The following MAP3K20 variants were observed in gnomAD, a reference collection of about 807,000 sequenced individuals.
MAP3K20 encodes mitogen-activated protein kinase kinase kinase 20, also known as HCCS-4.
Under a neutral mutation model 85.7 loss-of-function variants are expected in MAP3K20, and 40 were observed. That is an observed-to-expected ratio of 0.47 (90% CI 0.36 to 0.61). The LOEUF (loss-of-function observed/expected upper bound fraction) is 0.61, where lower values mean the gene tolerates loss of function less well. MAP3K20 is among the 20% of genes least tolerant of loss of function. MAP3K20 has a pLI of 0.00. For synonymous variants in MAP3K20, 325 were observed against 327.7 expected (o/e 0.99, Z 0.09); for missense variants, 817 against 961.7 (o/e 0.85, Z 1.99).
intron 3 of MAP3K20, among the ~76,000 whole-genome samples, chr2:173,179,268 C>T (rs1294757122): frequency 6.6e-6 from 1 of 151,904 alleles, no homozygotes; most frequent in Non-Finnish European, 1.5e-5. Flanking sequence ...TGGCAGGTGC[C>T]TATAGTCCCA....
At chr2:173,235,587 G>T (rs988512195) in intron 14 of MAP3K20, among the ~76,000 whole-genome samples, 1 of 152,192 alleles carries the variant, frequency 6.6e-6, no homozygotes, top group African/African-American at 2.4e-5. Context: ...GGAGGCAAGG[G>T]TTCTTGACTG....
In MAP3K20 at chr2:173,156,109, C is replaced by G. The variant is rs1689459826; in HGVS notation, c.160-13696C>G. 2.0e-5 allele frequency among the ~76,000 whole-genome samples: 3 copies of G among 152,208 alleles called. No homozygotes were observed. The South Asian group carries it at 6.2e-4, about 31-fold the overall frequency. On this transcript the variant is annotated intron_variant, in intron 2 of 19. Transcript: ENST00000375213. The stretch of plus-strand genomic sequence containing the variant: ...TAACGGTTTGGAACTTCAGGGGTTA[C>G]ACTGGGACCACCACACAACCTCGAG...
chr2:173,088,470 G>C (rs1191763390), intron 1 of MAP3K20, among the ~76,000 whole-genome samples: 2 of 152,104 alleles, frequency 1.3e-5, no homozygotes, highest in Non-Finnish European at 2.9e-5. Context: ...GGAAAATCAA[G>C]AAATAGTAAT....
intron 7 of MAP3K20, among the ~76,000 whole-genome samples, chr2:173,191,545 A>G (rs545444517): frequency 1.3e-4 from 20 of 152,310 alleles, no homozygotes; most frequent in African/African-American, 4.8e-4. Flanking sequence ...ACAGGACTTC[A>G]TTGTAATGGA....
At chr2:173,264,571 C>G (rs532758261) in intron 19 of MAP3K20, among the ~76,000 whole-genome samples, 1 of 152,310 alleles carries the variant, frequency 6.6e-6, no homozygotes, top group South Asian at 2.1e-4. Context: ...GCAACCTGTC[C>G]GTTCCTAAAC....
At chr2:173,233,412 T>C (rs910032629) in intron 14 of MAP3K20, among the ~76,000 whole-genome samples, 5 of 152,244 alleles carry the variant, frequency 3.3e-5, no homozygotes, top group East Asian at 1.9e-4. Flanking sequence ...TCTGTGTTCA[T>C]TGTGGTGGTC....
intron 11 of MAP3K20, chr2:173,221,019 C>G (rs1371573): frequency 1.5e-5 from 10 of 670,934 alleles, no homozygotes; most frequent in South Asian, 7.0e-5. Context: ...TCACATAATT[C>G]CCTACATTCA....
intron 1 of MAP3K20, among the ~76,000 whole-genome samples, chr2:173,082,799 A>G (rs1687047914): frequency 1.3e-5 from 2 of 152,366 alleles, no homozygotes; most frequent in Non-Finnish European, 2.9e-5. Context: ...GCAGCGGCCT[A>G]TGCCGTGGCC....
Position 173,266,604 on chromosome 2 carries a change from G to T in MAP3K20, c.2257G>T (p.Asp753Tyr). 1 of 1,613,872 alleles carries T rather than the reference G, an allele frequency of 6.2e-7. No homozygotes were observed. Among genetic ancestry groups the T allele is most frequent in the South Asian group, 1.1e-5 (1 of 91,050 alleles). The change falls in exon 20 of 20, where the codon GAC becomes TAC. Residue 753 changes from aspartate (D) to tyrosine (Y), a missense_variant. Around this residue, in one of 4 missense-constraint regions of MAP3K20, gnomAD observed 454 missense variants for 476.9 expected, o/e 0.95. Transcript: ENST00000375213. ...AGGGATGCCTTTGCACCCTGAGACT[G>T]ACTCAAGAGCCAGTGAAGAGGACAG... Reference protein sequence around the residue: ...IPGMPLHPETDSRASEEDSKV... With the variant: ...IPGMPLHPETYSRASEEDSKV...
rs1321521673 is a variant in MAP3K20, at chr2:173,115,006, A to G, written c.159+23816A>G. The stretch of plus-strand genomic sequence containing the variant: ...ATTATTCCCCCAAATATGTTTTCCA[A>G]GCTTTTAGAATTCTCTTCTTCCTCA... On this transcript the variant is annotated intron_variant, in intron 2 of 19. Transcript: ENST00000375213. 4.6e-5 allele frequency among the ~76,000 whole-genome samples: 7 copies of G among 152,302 alleles called. No individual in the cohort carries two copies. In the East Asian group the frequency reaches 1.3e-3, roughly 29 times the overall value.
At chr2:173,099,681 G>A (rs1354834364) in intron 2 of MAP3K20, among the ~76,000 whole-genome samples, 6 of 152,062 alleles carry the variant, frequency 3.9e-5, no homozygotes, top group African/African-American at 1.4e-4. Context: ...AGCATTCTCA[G>A]TCATACAAGC....
intron 2 of MAP3K20, among the ~76,000 whole-genome samples, chr2:173,150,220 T>G (rs1211069528): frequency 4.6e-5 from 7 of 152,360 alleles, no homozygotes; most frequent in African/African-American, 1.7e-4. Flanking sequence ...TGGCAATTTA[T>G]TTTTTAAAAT....
chr2:173,237,019 CTTTT>C (rs368196400), intron 14 of MAP3K20, among the ~76,000 whole-genome samples: 13 of 75,532 alleles, frequency 1.7e-4, no homozygotes, highest in African/African-American at 2.7e-4. Context: ...GTATATCCAC[CTTTT>C]TTTTTTTTTT....
chr2:173,192,676 A>G (rs1412275100), intron 7 of MAP3K20, among the ~76,000 whole-genome samples: 1 of 152,172 alleles, frequency 6.6e-6, no homozygotes, highest in African/African-American at 2.4e-5. Context: ...ACCATCATAC[A>G]TTCATCTGTG....
rs773889240 is a variant in MAP3K20 at position 173,266,128 on chromosome 2, A to G, written c.1781A>G (p.Asn594Ser). ...ACTTCTTTACAGCGTTCCCAGAGCA[A>G]TCCTATTCTGGGGTCACCGTTCTTC... ...SNTSLQRSQSNPILGSPFFSH... is the reference protein window; with the variant it reads ...SNTSLQRSQSSPILGSPFFSH... Residue 594 changes from asparagine to serine, a missense_variant, in exon 20 of 20, where the codon AAT (asparagine) becomes AGT (serine). By Grantham distance (46) the Asn-to-Ser change is conservative. This residue lies in a region of MAP3K20 where 454 missense variants were observed against 476.9 expected (regional missense o/e 0.95). Transcript: ENST00000375213. The G allele has an allele frequency of 1.2e-6, 2 of 1,613,182 alleles. No individual in the cohort carries two copies. Among genetic ancestry groups the G allele is most frequent in the South Asian group, 1.1e-5 (1 of 90,796 alleles).
chr2:173,107,412 A>C (rs1200071820), intron 2 of MAP3K20, among the ~76,000 whole-genome samples: 1 of 152,116 alleles, frequency 6.6e-6, no homozygotes, highest in Non-Finnish European at 1.5e-5. Flanking sequence ...GCTAGAATAC[A>C]TGCGGTCCTG....
chr2:173,222,212 CAAA>C (rs35570890), intron 11 of MAP3K20: 1 of 980,174 alleles, frequency 1.0e-6, no homozygotes, highest in African/African-American at 1.8e-5. Context: ...TCTCAAAAAA[CAAA>C]AAAAAGAAAG....
chr2:173,114,645 C>T lies in MAP3K20; in HGVS notation c.159+23455C>T, dbSNP rs115820879. ...ATTTGTTTGTCTGAAAAAGATGTAT[C>T]TTTCCTTCATACATGTGCTTAGCTT... is the stretch of plus-strand genomic sequence containing the variant. On this transcript the variant is annotated intron_variant, in intron 2 of 19. Coordinates refer to ENST00000375213, the MANE Select transcript of MAP3K20 (RefSeq NM_016653.3). 3.4e-3 allele frequency among the ~76,000 whole-genome samples: 511 copies of T among 152,218 alleles called. 2 individuals are homozygous for T. Among genetic ancestry groups the T allele is most frequent in the African/African-American group, 0.012 (491 of 41,532 alleles).
intron 10 of MAP3K20, among the ~76,000 whole-genome samples, chr2:173,213,864 A>G (rs1354743382): frequency 3.9e-5 from 6 of 152,206 alleles, no homozygotes; most frequent in Non-Finnish European, 7.3e-5. Flanking sequence ...AAACTGCTGA[A>G]AAGAATTATA....
Sources: allele counts gnomAD v4.1 joint callset (sites outside exome capture counted in the v4.1 genomes callset), GRCh38; gene constraint gnomAD v4.1.1; regional missense constraint gnomAD v4.1.1; transcripts MANE v1.5; gene names NCBI Gene and HGNC (gene_info 2026-07-23, HGNC 2026-07-21).